Variants in NFIB observed in about 807,000 individuals in gnomAD.
The protein encoded by NFIB is nuclear factor I B.
NFIB carries 11 observed loss-of-function variants against 61.5 expected under a neutral mutation model. The observed-to-expected ratio is 0.18, with a 90% CI of 0.11 to 0.30. The LOEUF (loss-of-function observed/expected upper bound fraction) is 0.30, where lower values mean the gene tolerates loss of function less well. Ranked by LOEUF, NFIB falls within the 10% of genes least tolerant of loss-of-function variation. The pLI is 1.00. For synonymous variants in NFIB, 260 were observed against 216.5 expected (o/e 1.20, Z -1.76); for missense variants, 471 against 608.9 (o/e 0.77, Z 2.38).
rs1247437877 is a variant in NFIB at position 14,296,666 on chromosome 9, C to T, written c.562+10323G>A. 2.0e-5 allele frequency among the ~76,000 whole-genome samples: 3 copies of T among 152,182 alleles called. No individual in the cohort carries two copies. The South Asian group carries it at 6.2e-4, about 32-fold the overall frequency. ...ACTCTGCCACCCGGAAGAGAGCCCT[C>T]GCTGGAACTTGACTATGCTGGCACT... On this transcript the variant is annotated intron_variant, in intron 2 of 10. Coordinates refer to ENST00000380953, the MANE Select transcript of NFIB (RefSeq NM_001190737.2).
chr9:14,380,529 T>C (rs568008), intron 1 of NFIB, among the ~76,000 whole-genome samples: 55,018 of 152,040 alleles, frequency 0.36, 10,297 homozygotes, highest in South Asian at 0.49. Context: ...ATAATCCTCC[T>C]AGAGTCAAGA....
At chr9:14,135,208 A>C (rs2040902368) in intron 6 of NFIB, among the ~76,000 whole-genome samples, 1 of 152,148 alleles carries the variant, frequency 6.6e-6, no homozygotes, top group African/African-American at 2.4e-5. Context: ...TACTGTAAAA[A>C]CTGTAAAATA....
At chr9:14,505,418 G>C in the NFIB span, among the ~76,000 whole-genome samples, 1 of 152,146 alleles carries the variant, frequency 6.6e-6, no homozygotes, top group Non-Finnish European at 1.5e-5. Context: ...TGAAGCTTGA[G>C]CTACAGCATC....
At chr9:14,478,434 C>T in the NFIB span, among the ~76,000 whole-genome samples, 5 of 152,178 alleles carry the variant, frequency 3.3e-5, no homozygotes, top group Admixed American at 3.3e-4. Context: ...GCAATAGCTG[C>T]ATCTCCAAAC....
chr9:14,421,450 A>G, the NFIB span, among the ~76,000 whole-genome samples: 6 of 152,222 alleles, frequency 3.9e-5, no homozygotes, highest in African/African-American at 1.4e-4. Flanking sequence ...TAAAAGCAGG[A>G]ACACAACAAA....
upstream of NFIB, among the ~76,000 whole-genome samples, chr9:14,315,559 G>T (rs2060505498): frequency 7.0e-6 from 1 of 142,836 alleles, no homozygotes; most frequent in South Asian, 2.1e-4. Flanking sequence ...GCCGGCGGGC[G>T]CGCGCGCGCC....
At chr9:14,423,719 T>G in the NFIB span, among the ~76,000 whole-genome samples, 1 of 152,252 alleles carries the variant, frequency 6.6e-6, no homozygotes, top group Non-Finnish European at 1.5e-5. Context: ...CTCTGCAAAG[T>G]AGTTTGGCCA....
At chr9:14,415,712 C>T in the NFIB span, among the ~76,000 whole-genome samples, 1 of 152,164 alleles carries the variant, frequency 6.6e-6, no homozygotes, top group African/African-American at 2.4e-5. Context: ...AAAAGATAAT[C>T]ACTCTCTCCA....
At chr9:14,194,456 G>GA (rs2131580991) in intron 2 of NFIB, among the ~76,000 whole-genome samples, 1 of 152,208 alleles carries the variant, frequency 6.6e-6, no homozygotes, top group East Asian at 1.9e-4. Flanking sequence ...GTGGGACAGG[G>GA]AGCCTAAAGC....
intron 2 of NFIB, among the ~76,000 whole-genome samples, chr9:14,221,751 T>C (rs1206252672): frequency 1.3e-5 from 2 of 152,224 alleles, no homozygotes; most frequent in East Asian, 1.9e-4. Context: ...TTGGAATCCA[T>C]AGTATAATTG....
intron 6 of NFIB, among the ~76,000 whole-genome samples, chr9:14,135,254 A>G (rs2040909901): frequency 6.6e-6 from 1 of 152,220 alleles, no homozygotes; most frequent in African/African-American, 2.4e-5. Context: ...GTAGCTCCAC[A>G]GAATACTATA....
chr9:14,340,229 G>A (rs568437875), intron 1 of NFIB, among the ~76,000 whole-genome samples: 21 of 152,282 alleles, frequency 1.4e-4, no homozygotes, highest in African/African-American at 4.8e-4. Flanking sequence ...GGAGCCCAGT[G>A]CCTACCGACT....
chr9:14,253,042 T>C (rs1313898220), intron 2 of NFIB, among the ~76,000 whole-genome samples: 1 of 152,204 alleles, frequency 6.6e-6, no homozygotes, highest in Non-Finnish European at 1.5e-5. Context: ...TATTTTTACA[T>C]CAATGCTTCA....
At chr9:14,444,635 G>A in the NFIB span, among the ~76,000 whole-genome samples, 88 of 152,218 alleles carry the variant, frequency 5.8e-4, no homozygotes, top group Admixed American at 1.3e-3. Context: ...CAAGTCTTAC[G>A]TGATATAGCC....
chr9:14,282,438 G>A (rs943824957), intron 2 of NFIB, among the ~76,000 whole-genome samples: 5 of 152,158 alleles, frequency 3.3e-5, no homozygotes, highest in African/African-American at 4.8e-5. Context: ...AGTAACAGTA[G>A]AGATGTGAAA....
chr9:14,142,357 A>T (rs2131062552), intron 6 of NFIB, among the ~76,000 whole-genome samples: 1 of 152,252 alleles, frequency 6.6e-6, no homozygotes, highest in African/African-American at 2.4e-5. Context: ...ATAAGACGTG[A>T]CTTGCTCCTC....
rs537950723 is a variant in NFIB, at chr9:14,220,424, C to A, written c.563-40644G>T. Among the ~76,000 whole-genome samples, 3 of 152,310 alleles carry A rather than the reference C, an allele frequency of 2.0e-5. No individual in the cohort carries two copies. In the East Asian group the frequency reaches 5.8e-4, roughly 29 times the overall value. On this transcript the variant is annotated intron_variant, in intron 2 of 10. Transcript: ENST00000380953. ...TCCATGTATTGTACTAGGGGAAAGA[C>A]ATGGCATTCTCCAAATATTATTGAG... is the stretch of plus-strand genomic sequence containing the variant.
intron 2 of NFIB, among the ~76,000 whole-genome samples, chr9:14,223,018 T>C (rs1468127188): frequency 2.0e-5 from 3 of 152,118 alleles, no homozygotes; most frequent in Admixed American, 2.0e-4. Flanking sequence ...AGAAGAATTG[T>C]CTTGAGCCAC....
At chr9:14,340,137 T>G (rs2060933107) in intron 1 of NFIB, among the ~76,000 whole-genome samples, 1 of 152,206 alleles carries the variant, frequency 6.6e-6, no homozygotes, top group Admixed American at 6.5e-5. Flanking sequence ...CTGTGCTGTT[T>G]GTAAGAACTT....
Sources: gnomAD v4.1 joint callset for allele counts (sites outside exome capture counted in the v4.1 genomes callset) on GRCh38, gnomAD v4.1.1 for gene constraint, MANE v1.5 for transcripts, NCBI Gene and HGNC (gene_info 2026-07-23, HGNC 2026-07-21) for gene names.